ZWILCH: variants seen among roughly 807,000 people sequenced by gnomAD.
ZWILCH encodes protein zwilch homolog.
ZWILCH carries 74 observed loss-of-function variants against 79.9 expected under a neutral mutation model. The ratio of observed to expected loss-of-function variants is 0.93; its 90% CI spans 0.77 to 1.12. The LOEUF is 1.12. Among genes scored for constraint, ZWILCH ranks in the 50% most tolerant of loss-of-function variants. The pLI, the probability that ZWILCH is intolerant of heterozygous loss-of-function variation, is 0.00. For missense variants in ZWILCH, 694 were observed against 687.5 expected (o/e 1.01, Z -0.11); for synonymous variants, 241 against 228.2 (o/e 1.06, Z -0.51).
intron 3 of ZWILCH, among the ~76,000 whole-genome samples, chr15:66,515,258 C>T (rs1162615496): frequency 1.3e-5 from 2 of 152,142 alleles, no homozygotes; most frequent in Non-Finnish European, 2.9e-5. Context: ...CGAGCACTTC[C>T]TTTTCTAAAA....
chr15:66,522,336 T>C (rs1166345581), intron 7 of ZWILCH, among the ~76,000 whole-genome samples: 2 of 151,176 alleles, frequency 1.3e-5, no homozygotes, highest in Admixed American at 6.6e-5. Flanking sequence ...TCTTTCTTTT[T>C]TTTTTTTTTT....
In ZWILCH at chr15:66,527,199, T is replaced by C. The variant is rs1595914672; in HGVS notation, c.820-91T>C. The C allele has an allele frequency of 4.4e-6, 4 of 899,120 alleles. No individual in the cohort carries two copies. The East Asian group carries it at 1.0e-4, about 23-fold the overall frequency. 55.7% of individuals were successfully genotyped at this position (899,120 alleles called of 1,614,324 possible). A position where few individuals can be genotyped will look rare whatever the true frequency, so the allele number is the denominator to read the frequency against. On this transcript the variant is annotated intron_variant, in intron 8 of 18. Coordinates refer to ENST00000307897, the MANE Select transcript of ZWILCH (RefSeq NM_017975.5). ...GATGTGATAAACACTCAAGAAATGT[T>C]ACTGCAATTAATATTATTATTACAT...
chr15:66,520,338 C>T (rs1894446772), intron 5 of ZWILCH, among the ~76,000 whole-genome samples: 1 of 152,096 alleles, frequency 6.6e-6, no homozygotes, highest in Non-Finnish European at 1.5e-5. Flanking sequence ...CCAGGCTGGT[C>T]TCGAACTCCT....
rs1156304196 is a variant in ZWILCH at position 66,518,942 on chromosome 15, G to A, written c.384G>A (p.Leu128=). The A allele has an allele frequency of 6.2e-7, 1 of 1,614,082 alleles. No homozygotes were observed. Among genetic ancestry groups the A allele is most frequent in the Non-Finnish European group, 8.5e-7 (1 of 1,180,036 alleles). ...NPNMTHLKIN[L]PVTALPPLWV... is the part of the protein sequence containing the mutation. ...ATATGACCCATTTGAAGATTAATCT[G>A]CCAGTTACTGCCCTTCCTCCCCTTT... The change falls in exon 5 of 19, where the codon CTG becomes CTA. Residue 128 remains leucine (L), a synonymous_variant. Transcript: ENST00000307897.
chr15:66,525,715 T>G (rs1226300430), intron 8 of ZWILCH, among the ~76,000 whole-genome samples: 1 of 151,372 alleles, frequency 6.6e-6, no homozygotes, highest in Non-Finnish European at 1.5e-5. Context: ...TCGCCTATGC[T>G]CCTAATCATT....
At chr15:66,535,585 A>G (rs1364872467) in intron 14 of ZWILCH, among the ~76,000 whole-genome samples, 1 of 151,792 alleles carries the variant, frequency 6.6e-6, no homozygotes, top group South Asian at 2.1e-4. Flanking sequence ...CTAAGGCGGG[A>G]GAATCACTTG....
intron 1 of ZWILCH, among the ~76,000 whole-genome samples, chr15:66,508,294 AT>A: frequency 6.6e-6 from 1 of 152,344 alleles, no homozygotes; most frequent in African/African-American, 2.4e-5. Context: ...CTGGAGTTTC[AT>A]GCTTACATTT....
At chr15:66,529,936 T>C (rs1894809131) in intron 12 of ZWILCH, among the ~76,000 whole-genome samples, 1 of 152,228 alleles carries the variant, frequency 6.6e-6, no homozygotes, top group African/African-American at 2.4e-5. Flanking sequence ...AGATATTCTC[T>C]AAAAAGCAAT....
intron 17 of ZWILCH, among the ~76,000 whole-genome samples, chr15:66,544,724 T>TTTTTTTTTTTTG (rs145952622): frequency 1.6e-5 from 2 of 128,486 alleles, no homozygotes; most frequent in Admixed American, 1.7e-4. Flanking sequence ...TTTTTGGTTT[T>TTTTTTTTTTTTG]TGTGTGTGTG....
chr15:66,514,230 C>A, intron 3 of ZWILCH, 147 bp downstream of exon 3: 1 of 442,206 alleles, frequency 2.3e-6, no homozygotes, highest in East Asian at 3.7e-5. Flanking sequence ...CTGTCCAGTA[C>A]AAATAAATAT....
At chr15:66,542,108 G>A (rs1219569348) in intron 17 of ZWILCH, among the ~76,000 whole-genome samples, 1 of 152,118 alleles carries the variant, frequency 6.6e-6, no homozygotes, top group Non-Finnish European at 1.5e-5. Context: ...TGTAAAAGTA[G>A]AAAAATTTCT....
chr15:66,528,284 T>C (rs1170533116), intron 10 of ZWILCH, among the ~76,000 whole-genome samples: 2 of 152,112 alleles, frequency 1.3e-5, no homozygotes, highest in Non-Finnish European at 2.9e-5. Context: ...TTAAATATTT[T>C]GTAGAGATGG....
At chr15:66,531,896 A>G (rs1595917473) in intron 12 of ZWILCH, among the ~76,000 whole-genome samples, 1 of 151,792 alleles carries the variant, frequency 6.6e-6, no homozygotes, top group Non-Finnish European at 1.5e-5. Context: ...GTGAAACCCC[A>G]TCTCTACTAA....
At position 66,549,658 on chromosome 15, in the gene ZWILCH, A is replaced by G. The variant is rs1235758482; in HGVS notation, c.*1334A>G. 1.9e-5 allele frequency: 3 copies of G among 158,076 alleles called. No individual in the cohort carries two copies. The Admixed American group carries it at 1.9e-4, about 10-fold the overall frequency. The allele number at this position is 158,076 out of a possible 1,614,324, so 9.8% of individuals were successfully genotyped here. On this transcript the variant is annotated 3_prime_UTR_variant, in exon 19 of 19. Transcript: ENST00000307897. ...TTCCCTGGCAAATAGTGAGTGCTTA[A>G]TAATTGCTTGCCGAATGAACAAATA... is the stretch of plus-strand genomic sequence containing the variant.
chr15:66,507,938 C>CAA (rs34334763), intron 1 of ZWILCH, among the ~76,000 whole-genome samples: 38 of 97,592 alleles, frequency 3.9e-4, no homozygotes, highest in South Asian at 1.0e-3. Flanking sequence ...GACTGCATCT[C>CAA]AAAAAAAAAA....
At chr15:66,527,748 C>T (rs1595915076) in intron 9 of ZWILCH, 109 bp from the exon 10 acceptor site, 1 of 918,152 alleles carries the variant, frequency 1.1e-6, no homozygotes, top group African/African-American at 1.7e-5. Context: ...TGCTAAAATC[C>T]TTAGTTAGAC....
chr15:66,532,244 T>A lies in ZWILCH; in HGVS notation c.1156-3T>A. Reference sequence around the variant, plus strand: ...GGTTTTATAAAATTTTCCTGATTTCTAGCTCCATAGTGGAAGTAACAGTTT... The same window carrying A: ...GGTTTTATAAAATTTTCCTGATTTCAAGCTCCATAGTGGAAGTAACAGTTT... On this transcript the variant is annotated splice_region_variant and splice_polypyrimidine_tract_variant and intron_variant, in intron 12 of 18. Transcript: ENST00000307897. 1 of 1,569,144 alleles carries A rather than the reference T, an allele frequency of 6.4e-7. No homozygotes were observed.
At chr15:66,543,490 G>A (rs1004250012) in intron 17 of ZWILCH, among the ~76,000 whole-genome samples, 4 of 152,142 alleles carry the variant, frequency 2.6e-5, no homozygotes, top group South Asian at 4.1e-4. Flanking sequence ...ATTGGCTCAC[G>A]ATTTTGTAAT....
chr15:66,516,610 A>G (rs1438164857), intron 4 of ZWILCH, among the ~76,000 whole-genome samples: 1 of 151,104 alleles, frequency 6.6e-6, no homozygotes, highest in Non-Finnish European at 1.5e-5. Context: ...GGTTCAAGTG[A>G]TTCTCCTGCC....
Sources: allele counts gnomAD v4.1 joint callset (sites outside exome capture counted in the v4.1 genomes callset), GRCh38; gene constraint gnomAD v4.1.1; transcripts MANE v1.5; gene names NCBI Gene and HGNC (gene_info 2026-07-23, HGNC 2026-07-21).